TOX: variants seen among roughly 807,000 people sequenced by gnomAD.
TOX encodes the protein thymocyte selection associated high mobility group box, also known as thymocyte selection-associated high mobility group box protein TOX.
A neutral mutation model predicts 53.7 loss-of-function variants in TOX; 11 were observed. The ratio of observed to expected loss-of-function variants is 0.20; its 90% CI spans 0.13 to 0.34. TOX has a LOEUF of 0.34. Ranked by LOEUF, TOX falls within the 10% of genes least tolerant of loss-of-function variation. TOX has a pLI of 1.00. For synonymous variants in TOX, 225 were observed against 245.3 expected (o/e 0.92, Z 0.77); for missense variants, 570 against 664.6 (o/e 0.86, Z 1.56).
chr8:59,025,620 T>C (rs1814220853), intron 1 of TOX, among the ~76,000 whole-genome samples: 1 of 152,166 alleles, frequency 6.6e-6, no homozygotes, highest in South Asian at 2.1e-4. Flanking sequence ...GAACATCCAG[T>C]GATCTTCCCA....
intron 3 of TOX, among the ~76,000 whole-genome samples, chr8:58,883,263 AG>A (rs1417441373): frequency 2.0e-5 from 3 of 152,228 alleles, no homozygotes; most frequent in Admixed American, 1.3e-4. Flanking sequence ...AGCCTCAGAC[AG>A]GAGGTCTTGC....
chr8:58,892,800 A>C (rs1380222083), intron 3 of TOX, among the ~76,000 whole-genome samples: 2 of 152,198 alleles, frequency 1.3e-5, no homozygotes, highest in Admixed American at 1.3e-4. Context: ...TTAATTCTGT[A>C]CGACCTTGGG....
intron 3 of TOX, among the ~76,000 whole-genome samples, chr8:58,898,008 C>G (rs1170952545): frequency 1.3e-5 from 2 of 152,140 alleles, no homozygotes; most frequent in Non-Finnish European, 2.9e-5. Flanking sequence ...ATAGCAATAT[C>G]ATAACATTTT....
At chr8:58,813,723 T>G (rs1463236507) in intron 7 of TOX, among the ~76,000 whole-genome samples, 1 of 152,218 alleles carries the variant, frequency 6.6e-6, no homozygotes, top group African/African-American at 2.4e-5. Flanking sequence ...AAGAAAATCA[T>G]CATAGCTTTA....
intron 1 of TOX, among the ~76,000 whole-genome samples, chr8:59,013,429 GA>G (rs1813949031): frequency 9.1e-6 from 1 of 109,606 alleles, no homozygotes. Flanking sequence ...TTTTTTTCTT[GA>G]GACGAAGTCT....
chr8:59,022,378 T>A (rs1477578395), intron 1 of TOX, among the ~76,000 whole-genome samples: 1 of 152,202 alleles, frequency 6.6e-6, no homozygotes, highest in African/African-American at 2.4e-5. Context: ...GAGAGCTTTA[T>A]GTACACTGTC....
intron 2 of TOX, among the ~76,000 whole-genome samples, chr8:58,954,304 A>G (rs1812675427): frequency 1.3e-5 from 2 of 152,224 alleles, no homozygotes; most frequent in Admixed American, 1.3e-4. Context: ...AATGTCTGCA[A>G]TGCAGGGTCA....
Position 58,857,392 on chromosome 8 carries a change from A to C in TOX, c.412-5587T>G, listed in dbSNP as rs530983834. On this transcript the variant is annotated intron_variant, in intron 3 of 8. Coordinates refer to ENST00000361421, the MANE Select transcript of TOX (RefSeq NM_014729.3). The stretch of plus-strand genomic sequence containing the variant: ...TAATATTTATCTCACCATTTGCAAA[A>C]CTCTGTCCATTTGAAAATGGGTGCT... 3.3e-5 allele frequency among the ~76,000 whole-genome samples: 5 copies of C among 151,958 alleles called. No individual in the cohort carries two copies. In the East Asian group the frequency reaches 9.7e-4, roughly 29 times the overall value.
rs1804583271 is a variant in TOX, at chr8:59,090,006, C to A, written c.102+28880G>T. ...CCCATCAGATTCAGAACGTTGGCCA[C>A]TGATGTGGTCAGGTGCTTTCAGTGC... On this transcript the variant is annotated intron_variant, in intron 1 of 8. Coordinates refer to ENST00000361421, the MANE Select transcript of TOX (RefSeq NM_014729.3). Among the ~76,000 whole-genome samples the A allele has an allele frequency of 1.3e-5, 2 of 152,200 alleles. 1 individual carries two copies. The highest frequency in any genetic ancestry group is 4.1e-4 in the South Asian group (2 of 4,824).
intron 3 of TOX, among the ~76,000 whole-genome samples, chr8:58,856,700 G>A (rs146189196): frequency 6.6e-6 from 1 of 151,528 alleles, no homozygotes; most frequent in African/African-American, 2.4e-5. Context: ...GAATCCTCGT[G>A]TGGTGCTTCC....
intron 3 of TOX, among the ~76,000 whole-genome samples, chr8:58,894,423 C>T (rs1279873968): frequency 6.6e-6 from 1 of 152,130 alleles, no homozygotes; most frequent in Non-Finnish European, 1.5e-5. Context: ...GATGTTCTGG[C>T]TTCATGTGTG....
intron 4 of TOX, among the ~76,000 whole-genome samples, chr8:58,844,505 A>T (rs1302640643): frequency 2.6e-5 from 4 of 152,200 alleles, no homozygotes; most frequent in African/African-American, 7.2e-5. Context: ...ATTCCTTATG[A>T]TGACAAGCAC....
At chr8:58,843,796 G>T (rs968638886) in intron 4 of TOX, among the ~76,000 whole-genome samples, 2 of 152,166 alleles carry the variant, frequency 1.3e-5, no homozygotes, top group African/African-American at 4.8e-5. Context: ...GTAATGAACT[G>T]GGAATTTGTA....
intron 3 of TOX, among the ~76,000 whole-genome samples, chr8:58,858,186 T>G (rs1485571709): frequency 6.6e-6 from 1 of 152,204 alleles, no homozygotes; most frequent in East Asian, 1.9e-4. Flanking sequence ...AAAAAAATCC[T>G]TGGAATAACA....
intron 1 of TOX, among the ~76,000 whole-genome samples, chr8:59,089,997 C>G (rs977989212): frequency 6.6e-6 from 1 of 152,210 alleles, no homozygotes; most frequent in African/African-American, 2.4e-5. Flanking sequence ...AGATTCAGAA[C>G]GTTGGCCACT....
chr8:58,852,205 AATT>A (rs1426885821), intron 3 of TOX, among the ~76,000 whole-genome samples: 1 of 152,150 alleles, frequency 6.6e-6, no homozygotes, highest in African/African-American at 2.4e-5. Flanking sequence ...AAAATTATTC[AATT>A]ATTAGTGATT....
intron 1 of TOX, among the ~76,000 whole-genome samples, chr8:59,112,415 G>T (rs943647641): frequency 2.0e-5 from 3 of 152,092 alleles, no homozygotes; most frequent in Non-Finnish European, 4.4e-5. Flanking sequence ...GATGAAACTT[G>T]GCATGCAAGG....
chr8:59,075,493 A>C (rs1211121871), intron 1 of TOX, among the ~76,000 whole-genome samples: 1 of 152,268 alleles, frequency 6.6e-6, no homozygotes, highest in East Asian at 1.9e-4. Flanking sequence ...TTTTGTTCTA[A>C]CATGAGGTGG....
chr8:59,101,894 C>T (rs2129424434), intron 1 of TOX, among the ~76,000 whole-genome samples: 1 of 152,324 alleles, frequency 6.6e-6, no homozygotes, highest in Non-Finnish European at 1.5e-5. Context: ...GCATGCCACC[C>T]TGCCAAACCA....
Sources: gnomAD v4.1 joint callset for allele counts (sites outside exome capture counted in the v4.1 genomes callset) on GRCh38, gnomAD v4.1.1 for gene constraint, MANE v1.5 for transcripts, NCBI Gene and HGNC (gene_info 2026-07-23, HGNC 2026-07-21) for gene names.